The following CNNM2 variants were observed in gnomAD, a reference collection of about 807,000 sequenced individuals.
CNNM2 encodes the protein metal transporter CNNM2.
A neutral mutation model predicts 66.9 loss-of-function variants in CNNM2; 12 were observed. That is an observed-to-expected ratio of 0.18 (90% CI 0.11 to 0.29). The LOEUF (loss-of-function observed/expected upper bound fraction) is 0.29, where lower values mean the gene tolerates loss of function less well. CNNM2 is among the 10% of genes least tolerant of loss of function. The probability of loss-of-function intolerance (pLI) is 1.00; values close to 1 mark genes in which losing one functional copy is unlikely to be tolerated. For missense variants in CNNM2, 705 were observed against 1,167.7 expected (o/e 0.60, Z 5.77); for synonymous variants, 557 against 501.8 (o/e 1.11, Z -1.47).
Position 102,930,655 on chromosome 10 carries a change from A to G in CNNM2, c.1621+10554A>G, listed in dbSNP as rs75549521. Among the ~76,000 whole-genome samples the G allele has an allele frequency of 4.2e-3, 636 of 152,336 alleles. 19 individuals are homozygous for G. The East Asian group carries it at 0.072, about 17-fold the overall frequency. On this transcript the variant is annotated intron_variant, in intron 1 of 7. Transcript: ENST00000369878. Reference sequence around the variant, plus strand: ...GCAGTCATTACTACTGTCTACTTACAGAACATTTTCATCACCCCGAAAGAA... The same window carrying G: ...GCAGTCATTACTACTGTCTACTTACGGAACATTTTCATCACCCCGAAAGAA...
At chr10:102,965,395 G>A (rs2063447053) in intron 1 of CNNM2, among the ~76,000 whole-genome samples, 1 of 152,180 alleles carries the variant, frequency 6.6e-6, no homozygotes, top group African/African-American at 2.4e-5. Flanking sequence ...GGGATTATTT[G>A]AAAGTCTGAG....
chr10:103,032,365 C>G (rs1411199319), intron 1 of CNNM2, among the ~76,000 whole-genome samples: 1 of 151,938 alleles, frequency 6.6e-6, no homozygotes, highest in Non-Finnish European at 1.5e-5. Context: ...GCAGGAGAAT[C>G]GCTTGAACCT....
chr10:102,919,063 C>T lies in CNNM2; in HGVS notation c.583C>T (p.Leu195Phe). The T allele has an allele frequency of 1.9e-6, 3 of 1,612,232 alleles. No individual in the cohort carries two copies. The highest frequency in any genetic ancestry group is 2.5e-6 in the Non-Finnish European group (3 of 1,179,426). Residue 195 changes from leucine (L) to phenylalanine (F), a missense_variant, in exon 1 of 8, where the codon CTC (leucine) becomes TTC (phenylalanine). Physicochemically the swap from Leu to Phe is conservative, Grantham distance 22. Coordinates refer to ENST00000369878, the MANE Select transcript of CNNM2 (RefSeq NM_017649.5). ...KSKSYYLCTS[L>F]STPALGAGGS... Reference sequence around the variant, plus strand: ...CAAGTCCTATTACCTGTGCACGTCGCTCTCCACGCCCGCCCTGGGCGCCGG... The same window carrying T: ...CAAGTCCTATTACCTGTGCACGTCGTTCTCCACGCCCGCCCTGGGCGCCGG...
At chr10:102,992,929 A>G (rs2063924276) in intron 1 of CNNM2, among the ~76,000 whole-genome samples, 1 of 152,232 alleles carries the variant, frequency 6.6e-6, no homozygotes. Context: ...AGTGGTAAAC[A>G]GTAGATTCCT....
rs36150058 is a variant in CNNM2 at position 103,034,316 on chromosome 10, GT to G, written c.1622-15379del. Among the ~76,000 whole-genome samples, 44,752 of 141,758 alleles carry G rather than the reference GT, an allele frequency of 0.32. 6,736 individuals carry two copies. The highest frequency in any genetic ancestry group is 0.38 in the Middle Eastern group (100 of 266). The allele number at this position is 141,758 out of a possible 152,430, so 93.0% of individuals were successfully genotyped here. On this transcript the variant is annotated intron_variant, in intron 1 of 7. Transcript: ENST00000369878. ...AAAGGGGTTAAGGTCTGTCTTTCTT[GT>G]TTTTTTTTTTTGGTTTTAAAAACAA...
Position 103,087,350 on chromosome 10 carries a change from T to G in CNNM2, c.*10170T>G, listed in dbSNP as rs989779025. On this transcript the variant is annotated 3_prime_UTR_variant, in exon 8 of 8. Coordinates refer to ENST00000369878, the MANE Select transcript of CNNM2 (RefSeq NM_017649.5). Reference sequence around the variant, plus strand: ...AGGCACCATTTTGCTCTGGGTCTTATGGAATCCTAGAGCTCTTGAATACGT... The same window carrying G: ...AGGCACCATTTTGCTCTGGGTCTTAGGGAATCCTAGAGCTCTTGAATACGT... 37 of 151,982 alleles carry G rather than the reference T, an allele frequency of 2.4e-4. No individual in the cohort carries two copies. The highest frequency in any genetic ancestry group is 8.9e-4 in the African/African-American group (37 of 41,350). The allele number at this position is 151,982 out of a possible 1,614,324, so 9.4% of individuals were successfully genotyped here.
chr10:103,023,922 A>G (rs2064645224), intron 1 of CNNM2, among the ~76,000 whole-genome samples: 1 of 152,192 alleles, frequency 6.6e-6, no homozygotes, highest in Admixed American at 6.6e-5. Flanking sequence ...TAATTTTTTG[A>G]ACCATTTCAA....
intron 1 of CNNM2, among the ~76,000 whole-genome samples, chr10:103,032,787 T>C (rs1792569763): frequency 6.6e-6 from 1 of 151,722 alleles, no homozygotes; most frequent in South Asian, 2.1e-4. Context: ...CGGGGCTTTA[T>C]CGTGGATGTT....
chr10:103,030,390 G>A (rs1008386509), intron 1 of CNNM2, among the ~76,000 whole-genome samples: 3 of 152,158 alleles, frequency 2.0e-5, no homozygotes, highest in African/African-American at 7.2e-5. Context: ...TGGAATTTAG[G>A]TGAACTGGTG....
intron 1 of CNNM2, among the ~76,000 whole-genome samples, chr10:102,968,369 C>T (rs2134212330): frequency 6.6e-6 from 1 of 152,210 alleles, no homozygotes; most frequent in East Asian, 1.9e-4. Context: ...GCCTTAGCCT[C>T]CCAAGTAGCT....
intron 4 of CNNM2, among the ~76,000 whole-genome samples, chr10:103,062,130 T>C (rs1422082969): frequency 2.6e-5 from 4 of 152,190 alleles, no homozygotes; most frequent in Admixed American, 1.3e-4. Context: ...CTAATCAAAG[T>C]GAGATGATAA....
chr10:102,955,081 G>A (rs1827749058), intron 1 of CNNM2, among the ~76,000 whole-genome samples: 1 of 152,132 alleles, frequency 6.6e-6, no homozygotes, highest in African/African-American at 2.4e-5. Context: ...ACAGTCCTAA[G>A]CAAAAAGAAC....
rs11191487 is a variant in CNNM2 at position 102,974,866 on chromosome 10, A to G, written c.1621+54765A>G. On this transcript the variant is annotated intron_variant, in intron 1 of 7. Transcript: ENST00000369878. Reference sequence around the variant, plus strand: ...TATTTTATTCTGTATTGGGGTGGACACAACTATCAAGTCTTGGTCAATTCT... The same window carrying G: ...TATTTTATTCTGTATTGGGGTGGACGCAACTATCAAGTCTTGGTCAATTCT... Among the ~76,000 whole-genome samples the G allele has an allele frequency of 0.11, 16,030 of 152,288 alleles. 1,104 individuals carry two copies. Among genetic ancestry groups the G allele is most frequent in the Non-Finnish European group, 0.15 (10,076 of 68,014 alleles).
intron 1 of CNNM2, among the ~76,000 whole-genome samples, chr10:103,045,442 C>G (rs2065112096): frequency 6.6e-6 from 1 of 152,158 alleles, no homozygotes; most frequent in Non-Finnish European, 1.5e-5. Context: ...GCCAACAGAT[C>G]TGCAGGACCA....
At chr10:102,966,200 GAATA>G (rs527259572) in intron 1 of CNNM2, among the ~76,000 whole-genome samples, 2 of 152,280 alleles carry the variant, frequency 1.3e-5, no homozygotes, top group South Asian at 4.1e-4. Flanking sequence ...AAATAAACTG[GAATA>G]AATAAACTAG....
At chr10:102,953,020 A>G (rs879503640) in intron 1 of CNNM2, among the ~76,000 whole-genome samples, 6 of 152,214 alleles carry the variant, frequency 3.9e-5, no homozygotes, top group Admixed American at 6.5e-5. Flanking sequence ...ATAATTTGGC[A>G]TTTGTTGAAC....
intron 4 of CNNM2, among the ~76,000 whole-genome samples, chr10:103,059,250 AAG>A (rs1372637942): frequency 3.3e-5 from 5 of 152,186 alleles, no homozygotes; most frequent in Admixed American, 1.3e-4. Context: ...CTGGGATTAC[AAG>A]CATGAGCCAC....
intron 1 of CNNM2, among the ~76,000 whole-genome samples, chr10:102,959,926 C>T (rs925140181): frequency 6.6e-6 from 1 of 151,982 alleles, no homozygotes; most frequent in Non-Finnish European, 1.5e-5. Flanking sequence ...GTGGCAGGCA[C>T]CTGTAGTCCC....
intron 1 of CNNM2, among the ~76,000 whole-genome samples, chr10:102,961,838 A>T (rs1039154690): frequency 5.3e-5 from 8 of 152,092 alleles, no homozygotes; most frequent in African/African-American, 1.7e-4. Context: ...AGGCAGGAGG[A>T]TCACATGAGC....
Sources: allele counts gnomAD v4.1 joint callset (sites outside exome capture counted in the v4.1 genomes callset), GRCh38; gene constraint gnomAD v4.1.1; transcripts MANE v1.5; gene names NCBI Gene and HGNC (gene_info 2026-07-23, HGNC 2026-07-21).